FRMD4A: variants seen among roughly 807,000 people sequenced by gnomAD.
FRMD4A encodes the protein FERM domain containing 4A.
In FRMD4A, 29 loss-of-function variants were observed where a neutral mutation model predicts 129.1. That is an observed-to-expected ratio of 0.22 (90% CI 0.17 to 0.31). The LOEUF is 0.31. FRMD4A is among the 10% of genes least tolerant of loss of function. FRMD4A has a pLI of 1.00. For missense variants in FRMD4A, 1,272 were observed against 1,375.8 expected (o/e 0.92, Z 1.19); for synonymous variants, 634 against 571.6 (o/e 1.11, Z -1.56).
chr10:13,725,914 T>C (rs2089857782), intron 12 of FRMD4A, among the ~76,000 whole-genome samples: 1 of 152,146 alleles, frequency 6.6e-6, no homozygotes, highest in African/African-American at 2.4e-5. Context: ...TTAGACTACA[T>C]CTATTCTGTG....
At chr10:13,744,191 A>G (rs2091168750) in intron 9 of FRMD4A, among the ~76,000 whole-genome samples, 1 of 152,064 alleles carries the variant, frequency 6.6e-6, no homozygotes, top group South Asian at 2.1e-4. Flanking sequence ...GGTTAAAAAT[A>G]GATGTCCCTG....
chr10:13,709,239 C>T (rs1246381561), intron 12 of FRMD4A, among the ~76,000 whole-genome samples: 1 of 152,234 alleles, frequency 6.6e-6, no homozygotes, highest in African/African-American at 2.4e-5. Context: ...TTTGGGATTA[C>T]AGGCGTGAGC....
intron 3 of FRMD4A, among the ~76,000 whole-genome samples, chr10:13,849,533 T>C (rs1412396302): frequency 1.3e-5 from 2 of 150,740 alleles, no homozygotes; most frequent in South Asian, 2.1e-4. Flanking sequence ...CAGGCTAGAG[T>C]GCAATGGTGC....
chr10:13,984,649 C>A (rs1487609748), intron 2 of FRMD4A, among the ~76,000 whole-genome samples: 1 of 152,140 alleles, frequency 6.6e-6, no homozygotes, highest in African/African-American at 2.4e-5. Flanking sequence ...TTGTGACTGG[C>A]TTATTTCACT....
At chr10:13,983,467 A>C (rs1455573839) in intron 2 of FRMD4A, among the ~76,000 whole-genome samples, 1 of 152,082 alleles carries the variant, frequency 6.6e-6, no homozygotes, top group Non-Finnish European at 1.5e-5. Context: ...CTTAGACTTG[A>C]TTGTTCGAGT....
chr10:13,935,275 T>A (rs867475867), intron 2 of FRMD4A, among the ~76,000 whole-genome samples: 11 of 151,696 alleles, frequency 7.3e-5, no homozygotes, highest in Middle Eastern at 6.8e-3. Flanking sequence ...CTGTCTCTAC[T>A]AAAAATACAA....
intron 2 of FRMD4A, among the ~76,000 whole-genome samples, chr10:14,061,794 G>C (rs1834827879): frequency 6.6e-6 from 1 of 152,190 alleles, no homozygotes; most frequent in Non-Finnish European, 1.5e-5. Flanking sequence ...ACACCACTTA[G>C]TGACCATGAA....
At chr10:13,985,315 C>G (rs2095577167) in intron 2 of FRMD4A, among the ~76,000 whole-genome samples, 1 of 152,190 alleles carries the variant, frequency 6.6e-6, no homozygotes, top group Admixed American at 6.5e-5. Flanking sequence ...GTGGTAAGGT[C>G]AGCTGGTCTC....
At chr10:13,841,440 A>T (rs778823815) in intron 3 of FRMD4A, among the ~76,000 whole-genome samples, 8 of 152,194 alleles carry the variant, frequency 5.3e-5, no homozygotes, top group Admixed American at 5.2e-4. Flanking sequence ...CAAACATGTG[A>T]TTTGAGCCAT....
chr10:13,802,116 G>A (rs1017899834), intron 4 of FRMD4A, among the ~76,000 whole-genome samples: 6 of 151,562 alleles, frequency 4.0e-5, no homozygotes, highest in African/African-American at 1.2e-4. Flanking sequence ...GTTTATGGTT[G>A]CAGTAGGTCA....
Position 14,143,194 on chromosome 10 carries a change from G to A in FRMD4A, c.45+186864C>T, listed in dbSNP as rs540296282. ...AGATAGTTGTACGTCCATCATTGCAGCATTATTTGCAATAAACAAGAATTG... is the reference window on the plus strand; with the variant it reads ...AGATAGTTGTACGTCCATCATTGCAACATTATTTGCAATAAACAAGAATTG... On this transcript the variant is annotated intron_variant, in intron 2 of 24. Transcript: ENST00000357447. Among the ~76,000 whole-genome samples, 3 of 152,332 alleles carry A rather than the reference G, an allele frequency of 2.0e-5. No individual in the cohort carries two copies. The South Asian group carries it at 6.2e-4, about 32-fold the overall frequency.
chr10:13,962,071 GAATGAATC>G (rs1453753033), intron 2 of FRMD4A, among the ~76,000 whole-genome samples: 3 of 139,830 alleles, frequency 2.1e-5, no homozygotes, highest in Non-Finnish European at 4.8e-5. Flanking sequence ...ATGAATGAAT[GAATGAATC>G]TTCATTTAAT....
chr10:14,172,243 G>A lies in FRMD4A; in HGVS notation c.45+157815C>T, dbSNP rs537809441. On this transcript the variant is annotated intron_variant, in intron 2 of 24. Transcript: ENST00000357447. ...TCCCTTGAAACCTAAAAACTGAAGG[G>A]TTTGAATGAGAATCTATTTGCTATG... 2.0e-5 allele frequency among the ~76,000 whole-genome samples: 3 copies of A among 152,276 alleles called. No individual in the cohort carries two copies. The South Asian group carries it at 6.2e-4, about 32-fold the overall frequency.
intron 2 of FRMD4A, among the ~76,000 whole-genome samples, chr10:14,175,048 A>G (rs1462506561): frequency 6.6e-6 from 1 of 152,232 alleles, no homozygotes; most frequent in Non-Finnish European, 1.5e-5. Context: ...AGGTCAGAGC[A>G]TAATGCAGTT....
chr10:13,650,878 A>G (rs1345528021), intron 24 of FRMD4A, among the ~76,000 whole-genome samples: 2 of 152,210 alleles, frequency 1.3e-5, no homozygotes, highest in Admixed American at 6.5e-5. Flanking sequence ...CCAGGCTCAC[A>G]TAACATCTCC....
chr10:13,662,433 G>A (rs1012420424), intron 19 of FRMD4A, among the ~76,000 whole-genome samples: 9 of 152,112 alleles, frequency 5.9e-5, no homozygotes, highest in African/African-American at 2.2e-4. Flanking sequence ...CTGCCTGCCT[G>A]AGGTTTCCAT....
At chr10:14,130,697 G>A (rs965648654) in intron 2 of FRMD4A, among the ~76,000 whole-genome samples, 12 of 152,150 alleles carry the variant, frequency 7.9e-5, no homozygotes, top group African/African-American at 7.2e-5. Flanking sequence ...GATGATCATC[G>A]TACCTAAAAA....
chr10:13,884,193 C>T (rs1478433857), intron 2 of FRMD4A, among the ~76,000 whole-genome samples: 24 of 96,908 alleles, frequency 2.5e-4, no homozygotes, highest in African/African-American at 8.8e-4. Context: ...CACACACACA[C>T]ACTCACACAC....
chr10:13,773,963 G>A (rs750484340), intron 6 of FRMD4A, among the ~76,000 whole-genome samples: 3 of 152,202 alleles, frequency 2.0e-5, no homozygotes, highest in African/African-American at 4.8e-5. Context: ...CAGGGAACAC[G>A]CAACGTTCCA....
Sources: gnomAD v4.1 joint callset for allele counts (sites outside exome capture counted in the v4.1 genomes callset) on GRCh38, gnomAD v4.1.1 for gene constraint, MANE v1.5 for transcripts, NCBI Gene and HGNC (gene_info 2026-07-23, HGNC 2026-07-21) for gene names.